Variants in KCNC2 observed in about 807,000 individuals in gnomAD.
KCNC2 encodes the protein potassium voltage-gated channel subfamily C member 2, also known as voltage-gated potassium channel KCNC2.
Under a neutral mutation model 44.5 loss-of-function variants are expected in KCNC2, and 21 were observed. The ratio of observed to expected loss-of-function variants is 0.47; its 90% confidence interval spans 0.33 to 0.68. The LOEUF (loss-of-function observed/expected upper bound fraction) is 0.68. Ranked by LOEUF, KCNC2 falls within the 30% of genes least tolerant of loss-of-function variation. The pLI is 0.01. For synonymous variants in KCNC2, 391 were observed against 339.1 expected, an observed-to-expected ratio of 1.15 and a Z score of -1.68; for missense variants, 589 against 826.2, an observed-to-expected ratio of 0.71 and a Z score of 3.52.
chr12:75,208,113 G>A (rs1006638868), intron 1 of KCNC2, 111 bp from the exon 2 acceptor site: 6 of 1,305,818 alleles, frequency 4.6e-6, no homozygotes, highest in South Asian at 2.6e-5. Flanking sequence ...TGGCAGACAG[G>A]CACGGGGCAA....
chr12:75,108,488 T>A (rs1886968723), intron 2 of KCNC2, among the ~76,000 whole-genome samples: 1 of 152,168 alleles, frequency 6.6e-6, no homozygotes, highest in South Asian at 2.1e-4. Flanking sequence ...CTCCACAGCC[T>A]CTAGAAAAAA....
chr12:75,199,551 CACATCATCTT>C (rs2031064547), intron 2 of KCNC2, among the ~76,000 whole-genome samples: 1 of 151,920 alleles, frequency 6.6e-6, no homozygotes, highest in Non-Finnish European at 1.5e-5. Flanking sequence ...ACATTCCCAT[CACATCATCTT>C]TGGCTTACTG....
intron 2 of KCNC2, among the ~76,000 whole-genome samples, chr12:75,170,093 T>C (rs554071454): frequency 2.6e-5 from 4 of 151,852 alleles, no homozygotes; most frequent in South Asian, 4.1e-4. Flanking sequence ...AAATTATAAC[T>C]ACCTTTTTCT....
chr12:75,093,893 T>C (rs1885702734), intron 2 of KCNC2, among the ~76,000 whole-genome samples: 1 of 151,710 alleles, frequency 6.6e-6, no homozygotes, highest in Non-Finnish European at 1.5e-5. Context: ...CAGAGCTGAA[T>C]TTAATACATT....
rs185546389 is a variant in KCNC2, at chr12:75,120,440, C to T, written c.688-69123G>A. ...GATTTACAGCTGGTATTGCACATAG[C>T]AGCATTTCTTTGTAATGCCATTTCT... On this transcript the variant is annotated intron_variant, in intron 2 of 4. Coordinates refer to ENST00000549446, the MANE Select transcript of KCNC2 (RefSeq NM_139137.4). Among the ~76,000 whole-genome samples, 27 of 152,284 alleles carry T rather than the reference C, an allele frequency of 1.8e-4. No homozygotes were observed. The Middle Eastern group carries it at 0.01, about 58-fold the overall frequency.
rs150371319 is a variant in KCNC2, at chr12:75,184,540, G to T, written c.687+22757C>A. Among the ~76,000 whole-genome samples, 692 of 152,204 alleles carry T rather than the reference G, an allele frequency of 4.5e-3. 3 individuals are homozygous for T. The highest frequency in any genetic ancestry group is 0.024 in the Middle Eastern group (7 of 294). ...TACATCTCCCTTTTCAGCAAGGAAAGGGAGAACTTCCTGGAAGTCATTAAC... is the reference window on the plus strand; with the variant it reads ...TACATCTCCCTTTTCAGCAAGGAAATGGAGAACTTCCTGGAAGTCATTAAC... On this transcript the variant is annotated intron_variant, in intron 2 of 4. Transcript: ENST00000549446.
intron 2 of KCNC2, among the ~76,000 whole-genome samples, chr12:75,094,917 T>C (rs1885796313): frequency 6.6e-6 from 1 of 151,782 alleles, no homozygotes; most frequent in Non-Finnish European, 1.5e-5. Flanking sequence ...AGCTACTGCT[T>C]AGAAATAGAC....
chr12:75,054,068 C>A (rs1401145717), intron 2 of KCNC2, among the ~76,000 whole-genome samples: 2 of 151,268 alleles, frequency 1.3e-5, no homozygotes, highest in Non-Finnish European at 2.9e-5. Flanking sequence ...ACTAAAAATA[C>A]AAAAATTAGC....
chr12:75,184,141 A>G (rs1301603856), intron 2 of KCNC2, among the ~76,000 whole-genome samples: 4 of 151,866 alleles, frequency 2.6e-5, no homozygotes. Context: ...CTATTATAAC[A>G]CTTATATTTG....
At chr12:75,057,467 AT>A (rs888949190) in intron 2 of KCNC2, among the ~76,000 whole-genome samples, 4 of 151,822 alleles carry the variant, frequency 2.6e-5, no homozygotes, top group Non-Finnish European at 4.4e-5. Flanking sequence ...GATAAAATCA[AT>A]TTTTTTTATC....
At chr12:75,088,083 A>G (rs553505407) in intron 2 of KCNC2, among the ~76,000 whole-genome samples, 10 of 152,182 alleles carry the variant, frequency 6.6e-5, no homozygotes, top group African/African-American at 2.4e-4. Flanking sequence ...CATTAGCTAT[A>G]TAACATTCAG....
intron 2 of KCNC2, 44 bp from the exon 3 acceptor site, chr12:75,051,361 C>G (rs752530249): frequency 1.9e-6 from 2 of 1,074,042 alleles, no homozygotes; most frequent in Non-Finnish European, 2.7e-6. Flanking sequence ...TGATCTGAAT[C>G]GTAATATATG....
intron 2 of KCNC2, among the ~76,000 whole-genome samples, chr12:75,153,404 G>T (rs1565896542): frequency 1.3e-5 from 2 of 151,908 alleles, no homozygotes; most frequent in Non-Finnish European, 2.9e-5. Flanking sequence ...CTTGTAAGTG[G>T]TAGCTAAATA....
intron 1 of KCNC2, 82 bp from the exon 2 acceptor site, chr12:75,208,084 G>A (rs73187152): frequency 0.076 from 115,621 of 1,526,770 alleles, 4,934 homozygotes; most frequent in Admixed American, 0.16. Flanking sequence ...AACCCAGAGC[G>A]AGTCCAGGGA....
chr12:75,200,265 A>G (rs1297924078), intron 2 of KCNC2, among the ~76,000 whole-genome samples: 3 of 151,830 alleles, frequency 2.0e-5, no homozygotes, highest in Non-Finnish European at 4.4e-5. Flanking sequence ...CACAAGATCT[A>G]AATACTAGCC....
chr12:75,142,437 G>A (rs1216302638), intron 2 of KCNC2, among the ~76,000 whole-genome samples: 2 of 152,180 alleles, frequency 1.3e-5, no homozygotes, highest in Admixed American at 6.5e-5. Flanking sequence ...GCCCTCTTGA[G>A]TAAGTGGTGT....
chr12:75,090,608 C>A (rs1291368522), intron 2 of KCNC2, among the ~76,000 whole-genome samples: 2 of 151,782 alleles, frequency 1.3e-5, no homozygotes, highest in African/African-American at 4.8e-5. Context: ...TTTAAGAAAT[C>A]TCAATGAACC....
chr12:75,130,491 C>A (rs1888757867), intron 2 of KCNC2, among the ~76,000 whole-genome samples: 1 of 152,170 alleles, frequency 6.6e-6, no homozygotes. Flanking sequence ...TGTAACTAAG[C>A]TTTATGCTAG....
chr12:75,048,042 T>C (rs1592753717), intron 4 of KCNC2, 111 bp downstream of exon 4: 4 of 908,498 alleles, frequency 4.4e-6, no homozygotes, highest in East Asian at 2.6e-5. Flanking sequence ...AAAAGAGCAC[T>C]GTACGCAGTC....
Sources: gnomAD v4.1 joint callset for allele counts (sites outside exome capture counted in the v4.1 genomes callset) on GRCh38, gnomAD v4.1.1 for gene constraint, MANE v1.5 for transcripts, NCBI Gene and HGNC (gene_info 2026-07-23, HGNC 2026-07-21) for gene names.